The following UGT1A6 variants were observed in gnomAD, a reference collection of about 807,000 sequenced individuals.
UGT1A6 encodes UDP-glucuronosyltransferase 1A6.
UGT1A6 carries 32 observed loss-of-function variants against 44.4 expected under a neutral mutation model. The ratio of observed to expected loss-of-function variants is 0.72; its 90% CI spans 0.54 to 0.97. UGT1A6 has a LOEUF of 0.97. Ranked by LOEUF, UGT1A6 falls within the 50% of genes least tolerant of loss-of-function variation. UGT1A6 has a pLI of 0.00. For missense variants in UGT1A6, 685 were observed against 661.9 expected, an observed-to-expected ratio of 1.03 and a Z score of -0.38; for synonymous variants, 238 against 248.5, an observed-to-expected ratio of 0.96 and a Z score of 0.40.
At position 233,747,384 on chromosome 2, in the gene UGT1A6, G is replaced by A. The variant is rs1693657015; in HGVS notation, c.862-19650G>A. The A allele has an allele frequency of 7.5e-6, 12 of 1,605,260 alleles. No individual in the cohort carries two copies. In the South Asian group the frequency reaches 1.2e-4, roughly 16 times the overall value. ...GGAGCTCCATGCCAGAGGCCACCAGGCGGTGGTCCTCACCCCAGAGGTGAA... is the reference window on the plus strand; with the variant it reads ...GGAGCTCCATGCCAGAGGCCACCAGACGGTGGTCCTCACCCCAGAGGTGAA... On this transcript the variant is annotated intron_variant, in intron 1 of 4. Transcript: ENST00000305139.
chr2:233,692,171 A>C (rs1352392558), upstream of UGT1A6: 1 of 152,296 alleles, frequency 6.6e-6, no homozygotes, highest in East Asian at 1.9e-4. Context: ...GGCAGGGTTC[A>C]GAGAGCTTTC....
chr2:233,731,267 C>G (rs969941483), intron 1 of UGT1A6, among the ~76,000 whole-genome samples: 13 of 149,924 alleles, frequency 8.7e-5, no homozygotes, highest in Admixed American at 3.3e-4. Context: ...TGACTGTTGC[C>G]CTTCCAGTTT....
At chr2:233,704,157 C>G (rs772376683) in intron 1 of UGT1A6, among the ~76,000 whole-genome samples, 50 of 151,974 alleles carry the variant, frequency 3.3e-4, no homozygotes, top group Non-Finnish European at 5.0e-4. Flanking sequence ...TTTCAAAGTA[C>G]TGGGATTACA....
chr2:233,755,278 G>T, intron 1 of UGT1A6: 4 of 710,378 alleles, frequency 5.6e-6, no homozygotes, highest in Non-Finnish European at 8.6e-6. Flanking sequence ...ATGCTGGACT[G>T]CCAAAGAGCC....
At chr2:233,758,825 CA>C (rs1386415381) in intron 1 of UGT1A6, among the ~76,000 whole-genome samples, 2 of 152,114 alleles carry the variant, frequency 1.3e-5, no homozygotes, top group Non-Finnish European at 2.9e-5. Flanking sequence ...ATATCCCCCC[CA>C]AAAAGAGTGT....
chr2:233,743,852 G>C (rs770873874), intron 1 of UGT1A6: 2 of 1,367,108 alleles, frequency 1.5e-6, no homozygotes, highest in East Asian at 9.1e-5. Context: ...CTTGCGGTAC[G>C]CCTTCTTGAT....
chr2:233,760,186 C>A (rs1697340087), intron 1 of UGT1A6: 1 of 1,558,560 alleles, frequency 6.4e-7, no homozygotes, highest in African/African-American at 1.4e-5. Flanking sequence ...TTTTTATAGT[C>A]ACGTGACACA....
Position 233,769,467 on chromosome 2 carries a change from G to T in UGT1A6, c.1301+1028G>T. The T allele has an allele frequency of 6.2e-7, 1 of 1,602,902 alleles. No homozygotes were observed. On this transcript the variant is annotated intron_variant, in intron 4 of 4. Coordinates refer to ENST00000305139, the MANE Select transcript of UGT1A6 (RefSeq NM_001072.4). This position sits in a 1 kb window ranked among gnomAD's most constrained non-coding sequence, Gnocchi z 4.4. Reference sequence around the variant, plus strand: ...TGCACACGTGTGCATTCATATGCGTGTGTGTGTGTGTGCGTGTGTTTATGA... The same window carrying T: ...TGCACACGTGTGCATTCATATGCGTTTGTGTGTGTGTGCGTGTGTTTATGA...
intron 1 of UGT1A6, among the ~76,000 whole-genome samples, chr2:233,705,827 C>T (rs757797853): frequency 6.6e-6 from 1 of 152,164 alleles, no homozygotes; most frequent in Non-Finnish European, 1.5e-5. Flanking sequence ...AGGCCGAGCA[C>T]AGTGGCTGGA....
At chr2:233,721,840 G>A in intron 1 of UGT1A6, 1 of 515,588 alleles carries the variant, frequency 1.9e-6, no homozygotes, top group Non-Finnish European at 3.9e-6. Flanking sequence ...CCGACCTTGT[G>A]TCCAGCCCCA....
At chr2:233,738,659 C>A (rs562004619) in intron 1 of UGT1A6, among the ~76,000 whole-genome samples, 17 of 152,190 alleles carry the variant, frequency 1.1e-4, no homozygotes, top group Admixed American at 4.6e-4. Flanking sequence ...GAACTACGAA[C>A]TTGAGAGAGA....
At chr2:233,764,567 G>A (rs1310538826) in intron 1 of UGT1A6, among the ~76,000 whole-genome samples, 3 of 152,182 alleles carry the variant, frequency 2.0e-5, no homozygotes, top group Admixed American at 6.5e-5. Context: ...GCCTGGAGGA[G>A]AACTTAGACT....
Position 233,746,118 on chromosome 2 carries a change from A to C in UGT1A6, c.862-20916A>C, listed in dbSNP as rs544937305. On this transcript the variant is annotated intron_variant, in intron 1 of 4. Transcript: ENST00000305139. ...CATGTCCAGAGTGCTTACTGTCTGC[A>C]AAACTGTGGACTGGCACCTGAGTGA... 3.3e-4 allele frequency among the ~76,000 whole-genome samples: 50 copies of C among 151,986 alleles called. 2 individuals carry two copies. Among genetic ancestry groups the C allele is most frequent in the African/African-American group, 1.1e-3 (46 of 41,248 alleles).
At chr2:233,704,256 C>CTTTTT (rs59925871) in intron 1 of UGT1A6, among the ~76,000 whole-genome samples, 19 of 123,678 alleles carry the variant, frequency 1.5e-4, no homozygotes, top group African/African-American at 4.6e-4. Flanking sequence ...GCCTTTATTG[C>CTTTTT]TTTTTTTTTT....
At chr2:233,705,665 T>A (rs140439487) in intron 1 of UGT1A6, among the ~76,000 whole-genome samples, 1 of 152,330 alleles carries the variant, frequency 6.6e-6, no homozygotes, top group African/African-American at 2.4e-5. Flanking sequence ...AAATTATAGT[T>A]GTGAGATAAT....
chr2:233,747,477 T>G lies in UGT1A6; in HGVS notation c.862-19557T>G, dbSNP rs1368203969. 4 of 1,608,578 alleles carry G rather than the reference T, an allele frequency of 2.5e-6. No homozygotes were observed. In the Admixed American group the frequency reaches 6.7e-5, roughly 27 times the overall value. Reference sequence around the variant, plus strand: ...TGCCATTTCATGGACCCAGGATGAATTTGATCGCCTTGTGCTGGGCCACAC... The same window carrying G: ...TGCCATTTCATGGACCCAGGATGAAGTTGATCGCCTTGTGCTGGGCCACAC... On this transcript the variant is annotated intron_variant, in intron 1 of 4. Transcript: ENST00000305139.
intron 1 of UGT1A6, among the ~76,000 whole-genome samples, chr2:233,706,841 A>G (rs1197973943): frequency 6.6e-6 from 1 of 152,232 alleles, no homozygotes; most frequent in East Asian, 1.9e-4. Flanking sequence ...TAAACACCTC[A>G]GCAGTCTTTA....
intron 1 of UGT1A6, chr2:233,743,644 G>T (rs1317452521): frequency 1.5e-6 from 2 of 1,367,194 alleles, no homozygotes; most frequent in East Asian, 9.1e-5. Flanking sequence ...CGCGGAAGCT[G>T]AAGACGTACT....
At chr2:233,719,289 T>A in intron 1 of UGT1A6, 1 of 1,614,098 alleles carries the variant, frequency 6.2e-7, no homozygotes, top group African/African-American at 1.3e-5. Flanking sequence ...CGTTAACCTC[T>A]GTGGGGCGGT....
Sources: allele counts gnomAD v4.1 joint callset (sites outside exome capture counted in the v4.1 genomes callset), GRCh38; gene constraint gnomAD v4.1.1; non-coding constraint Gnocchi (gnomAD v3.1); transcripts MANE v1.5; gene names NCBI Gene and HGNC (gene_info 2026-07-23, HGNC 2026-07-21).